FBXW4: variants seen among roughly 807,000 people sequenced by gnomAD.
The protein encoded by FBXW4 is F-box and WD repeat domain containing 4.
Under a neutral mutation model 61.8 loss-of-function variants are expected in FBXW4, and 40 were observed. The ratio of observed to expected loss-of-function variants is 0.65; its 90% CI spans 0.50 to 0.84. FBXW4 has a LOEUF of 0.84. FBXW4 is among the 40% of genes least tolerant of loss of function. FBXW4 has a pLI of 0.00. For missense variants in FBXW4, 672 were observed against 753.8 expected (o/e 0.89, Z 1.27); for synonymous variants, 311 against 313.8 (o/e 0.99, Z 0.10).
chr10:101,645,800 AGC>A (rs2134851776), intron 5 of FBXW4, among the ~76,000 whole-genome samples: 1 of 152,318 alleles, frequency 6.6e-6, no homozygotes, highest in East Asian at 1.9e-4. Flanking sequence ...CAAATGAGAG[AGC>A]TCAGCACAGG....
intron 1 of FBXW4, among the ~76,000 whole-genome samples, chr10:101,690,215 T>C (rs953167248): frequency 2.6e-5 from 4 of 152,252 alleles, no homozygotes; most frequent in African/African-American, 2.4e-5. Context: ...CCTGTCATAA[T>C]GTCTACTTCT....
intron 5 of FBXW4, among the ~76,000 whole-genome samples, chr10:101,637,354 T>C (rs984965350): frequency 3.3e-5 from 4 of 119,608 alleles, no homozygotes; most frequent in Non-Finnish European, 4.9e-5. Context: ...ATCGTGCCAC[T>C]GCACTCCAGC....
At chr10:101,681,879 A>C (rs577533911) in intron 1 of FBXW4, among the ~76,000 whole-genome samples, 17 of 152,190 alleles carry the variant, frequency 1.1e-4, no homozygotes, top group Non-Finnish European at 2.2e-4. Flanking sequence ...AGATTAAATA[A>C]AACTGAAAAA....
rs1844253465 is a variant in FBXW4, at chr10:101,694,239, A to AGGGTGTAGGCGGAGGTC, written c.725+125_725+141dup. Reference sequence around the variant, plus strand: ...AGGGGTCCCCGAGAGTGCTCGGGAAAGGGTGTAGGCGGAGGTCAGGTGTAG... The same window carrying AGGGTGTAGGCGGAGGTC: ...AGGGGTCCCCGAGAGTGCTCGGGAAAGGGTGTAGGCGGAGGTCGGGTGTAGGCGGAGGTCAGGTGTAG... On this transcript the variant is annotated intron_variant, in intron 1 of 8. Transcript: ENST00000331272. The surrounding 1 kb of genome is among the most constrained non-coding windows in gnomAD (Gnocchi z 6.0). The AGGGTGTAGGCGGAGGTC allele has an allele frequency of 4.0e-6, 3 of 755,802 alleles. No individual in the cohort carries two copies. The highest frequency in any genetic ancestry group is 5.6e-6 in the Non-Finnish European group (3 of 539,412). 46.8% of individuals were successfully genotyped at this position (755,802 alleles called of 1,614,324 possible).
chr10:101,619,822 T>C (rs1052638275), intron 6 of FBXW4, among the ~76,000 whole-genome samples: 10 of 151,950 alleles, frequency 6.6e-5, no homozygotes, highest in African/African-American at 2.4e-4. Context: ...CAGTCTCTAG[T>C]GGTCTTGATG....
intron 1 of FBXW4, among the ~76,000 whole-genome samples, chr10:101,680,053 A>G (rs772498170): frequency 2.7e-5 from 4 of 150,264 alleles, no homozygotes; most frequent in Non-Finnish European, 5.9e-5. Flanking sequence ...AAGTTGCACA[A>G]AAGTCATTAT....
At chr10:101,654,672 C>A (rs193150981) in intron 5 of FBXW4, among the ~76,000 whole-genome samples, 2 of 152,300 alleles carry the variant, frequency 1.3e-5, no homozygotes, top group East Asian at 3.9e-4. Flanking sequence ...TATTTTCTGA[C>A]CTTTTTTCAT....
chr10:101,694,863 T>C lies in FBXW4; in HGVS notation c.243A>G (p.Pro81=), dbSNP rs1589789817. 3 of 1,255,870 alleles carry C rather than the reference T, an allele frequency of 2.4e-6. No homozygotes were observed. In the East Asian group the frequency reaches 9.5e-5, roughly 40 times the overall value. 77.8% of individuals were successfully genotyped at this position (1,255,870 alleles called of 1,614,324 possible). ...TTCTGCCTCCCTCTGCTTCCTCCCT[T>C]GGGCATGCCCTCGCTCCCGCGTCAG... ...PGADAGARAC[P]REEAEGGRSV... The change falls in exon 1 of 9, where the codon CCA becomes CCG. Residue 81 remains proline (P), a synonymous_variant. Transcript: ENST00000331272. The surrounding 1 kb of genome is among the most constrained non-coding windows in gnomAD (Gnocchi z 6.0).
At chr10:101,671,583 G>A (rs1189748603) in intron 4 of FBXW4, among the ~76,000 whole-genome samples, 1 of 152,152 alleles carries the variant, frequency 6.6e-6, no homozygotes. Context: ...AGAAAGAGGT[G>A]TCACTGAAAA....
chr10:101,611,239 AG>A lies in FBXW4; in HGVS notation c.*51del. 1 of 1,593,278 alleles carries A rather than the reference AG, an allele frequency of 6.3e-7. No homozygotes were observed. Among genetic ancestry groups the A allele is most frequent in the Non-Finnish European group, 8.5e-7 (1 of 1,170,416 alleles). On this transcript the variant is annotated 3_prime_UTR_variant, in exon 9 of 9. Transcript: ENST00000331272. This position sits in a 1 kb window ranked among gnomAD's most constrained non-coding sequence, Gnocchi z 4.9. ...ATCACTGCACCCTCCAGGCAAGAGA[AG>A]TCCCTGAGTAGCTGGTTTCCCTGGC...
At chr10:101,650,247 C>T (rs1564914200) in intron 5 of FBXW4, among the ~76,000 whole-genome samples, 4 of 152,196 alleles carry the variant, frequency 2.6e-5, no homozygotes. Flanking sequence ...CACTTAGGCC[C>T]TAGTTCCTAG....
chr10:101,694,520 A>C lies in FBXW4; in HGVS notation c.586T>G (p.Ser196Ala). 1 of 1,508,952 alleles carries C rather than the reference A, an allele frequency of 6.6e-7. No homozygotes were observed. The highest frequency in any genetic ancestry group is 8.8e-7 in the Non-Finnish European group (1 of 1,138,190). The allele number at this position is 1,508,952 out of a possible 1,614,324, so 93.5% of individuals were successfully genotyped here. ...CCGAGGGCCCGCATGTCCAGGTAGG[A>C]GCAGATGAGCAGCAGCAGCTCCTCC... ...LPEELLLLIC[S>A]YLDMRALGRL... Residue 196 changes from serine (S) to alanine (A), a missense_variant, in exon 1 of 9, where the codon TCC (serine) becomes GCC (alanine). Coordinates refer to ENST00000331272, the MANE Select transcript of FBXW4 (RefSeq NM_022039.4). This position sits in a 1 kb window ranked among gnomAD's most constrained non-coding sequence, Gnocchi z 6.0.
In FBXW4 at chr10:101,611,518, GCTT is replaced by G; in HGVS notation, c.1584+107_1584+109del. 6.4e-7 allele frequency: 1 copy of G among 1,571,186 alleles called. No homozygotes were observed. The highest frequency in any genetic ancestry group is 1.2e-5 in the South Asian group (1 of 84,284). On this transcript the variant is annotated intron_variant, in intron 8 of 8. Coordinates refer to ENST00000331272, the MANE Select transcript of FBXW4 (RefSeq NM_022039.4). This position sits in a 1 kb window ranked among gnomAD's most constrained non-coding sequence, Gnocchi z 4.9. ...GGAAGAGGGACGTGTGCCATTGTAG[GCTT>G]CTTCCAACCCTTTCTAGGCACGTCC... is the stretch of plus-strand genomic sequence containing the variant.
At chr10:101,676,264 A>G (rs1589776592) in intron 2 of FBXW4, 77 bp downstream of exon 2, 2 of 1,253,608 alleles carry the variant, frequency 1.6e-6, no homozygotes, top group Admixed American at 1.8e-5. Context: ...ATTAGCCTCT[A>G]TGTAGGACCA....
chr10:101,646,920 G>C (rs1210943721), intron 5 of FBXW4, among the ~76,000 whole-genome samples: 1 of 152,152 alleles, frequency 6.6e-6, no homozygotes, highest in Non-Finnish European at 1.5e-5. Flanking sequence ...AGTCCCAGTG[G>C]AGCCGGAGTT....
chr10:101,690,944 C>T (rs533041532), intron 1 of FBXW4, among the ~76,000 whole-genome samples: 4 of 152,254 alleles, frequency 2.6e-5, no homozygotes, highest in Non-Finnish European at 4.4e-5. Context: ...TAAAAAGTTC[C>T]GTTTTACAAT....
intron 4 of FBXW4, among the ~76,000 whole-genome samples, chr10:101,671,223 G>A (rs1400087930): frequency 1.3e-5 from 2 of 152,164 alleles, no homozygotes; most frequent in South Asian, 2.1e-4. Flanking sequence ...GGCAGCATCC[G>A]GAAAGCCAGG....
At chr10:101,660,283 A>T in intron 5 of FBXW4, 1 of 977,778 alleles carries the variant, frequency 1.0e-6, no homozygotes, top group Non-Finnish European at 1.2e-6. Flanking sequence ...ACAGATTAGG[A>T]TACAGCAGTG....
At chr10:101,614,268 A>G (rs779551762) in intron 6 of FBXW4, among the ~76,000 whole-genome samples, 1 of 152,190 alleles carries the variant, frequency 6.6e-6, no homozygotes, top group Non-Finnish European at 1.5e-5. Context: ...GTTTGTTTGA[A>G]ATAGAAGATG....
Sources: gnomAD v4.1 joint callset for allele counts (sites outside exome capture counted in the v4.1 genomes callset) on GRCh38, gnomAD v4.1.1 for gene constraint, Gnocchi (gnomAD v3.1) non-coding constraint, MANE v1.5 for transcripts, NCBI Gene and HGNC (gene_info 2026-07-23, HGNC 2026-07-21) for gene names.